Variants in OR5AN1 observed in about 807,000 individuals in gnomAD.
The protein encoded by OR5AN1 is olfactory receptor family 5 subfamily AN member 1.
For missense variants in OR5AN1, 476 were observed against 368.9 expected (o/e 1.29, Z -2.38); for synonymous variants, 167 against 131.8 (o/e 1.27, Z -1.83).
In OR5AN1 at chr11:59,361,179, T is replaced by C. The variant is rs1181170892; in HGVS notation, c.-14+1907T>C. 2.6e-5 allele frequency among the ~76,000 whole-genome samples: 4 copies of C among 152,232 alleles called. No homozygotes were observed. The East Asian group carries it at 7.7e-4, about 29-fold the overall frequency. On this transcript the variant is annotated intron_variant, in intron 1 of 1. Transcript: ENST00000641998. ...TCTGGTTTAGAAATCATAAATAATT[T>C]TATTAAGAGGTCCTTGATACTTCAG...
In OR5AN1 at chr11:59,366,939, G is replaced by A. The variant is rs1857541557; in HGVS notation, c.*1545G>A. 6.6e-6 allele frequency: 1 copy of A among 152,126 alleles called. No homozygotes were observed. The highest frequency in any genetic ancestry group is 2.1e-4 in the South Asian group (1 of 4,824). The allele number at this position is 152,126 out of a possible 1,614,324, so 9.4% of individuals were successfully genotyped here. On this transcript the variant is annotated 3_prime_UTR_variant, in exon 2 of 2. Transcript: ENST00000641998. The stretch of plus-strand genomic sequence containing the variant: ...CCAAACTAACATTGCAGATATCAAA[G>A]CCTCCTCCCTTCTTCAATACCCCTT...
At chr11:59,362,143 A>T (rs1053082127) in intron 1 of OR5AN1, among the ~76,000 whole-genome samples, 1 of 152,182 alleles carries the variant, frequency 6.6e-6, no homozygotes, top group South Asian at 2.1e-4. Context: ...ATGAGTGCCC[A>T]TTCCTTACTG....
At chr11:59,359,318 G>A (rs1345477749) in intron 1 of OR5AN1, 46 bp downstream of exon 1, 1 of 152,200 alleles carries the variant, frequency 6.6e-6, no homozygotes, top group African/African-American at 2.4e-5. Context: ...TTAAGGATGT[G>A]ACCTTGAACA....
At position 59,367,374 on chromosome 11, in the gene OR5AN1, C is replaced by T. The variant is rs1857546481; in HGVS notation, c.*1980C>T. The T allele has an allele frequency of 6.6e-6, 1 of 152,416 alleles. No homozygotes were observed. Among genetic ancestry groups the T allele is most frequent in the African/African-American group, 2.4e-5 (1 of 41,420 alleles). The allele number at this position is 152,416 out of a possible 1,614,324, so 9.4% of individuals were successfully genotyped here. ...CAGCCACTCAGGCCAGCATGGAGTCCTCGAAGGCTTAGATACTTGGGTTTT... is the reference window on the plus strand; with the variant it reads ...CAGCCACTCAGGCCAGCATGGAGTCTTCGAAGGCTTAGATACTTGGGTTTT... On this transcript the variant is annotated 3_prime_UTR_variant, in exon 2 of 2. Coordinates refer to ENST00000641998, the MANE Select transcript of OR5AN1 (RefSeq NM_001004729.2).
chr11:59,365,813 A>G lies in OR5AN1; in HGVS notation c.*419A>G, dbSNP rs1006823258. 6.3e-6 allele frequency: 1 copy of G among 159,318 alleles called. No homozygotes were observed. Among genetic ancestry groups the G allele is most frequent in the Non-Finnish European group, 1.4e-5 (1 of 73,024 alleles). The allele number at this position is 159,318 out of a possible 1,614,324, so 9.9% of individuals were successfully genotyped here. On this transcript the variant is annotated 3_prime_UTR_variant, in exon 2 of 2. Transcript: ENST00000641998. ...GAAACATCATCTCCCATATATGCTGATACAGCATAATAAAGACATGGTGGT... is the reference window on the plus strand; with the variant it reads ...GAAACATCATCTCCCATATATGCTGGTACAGCATAATAAAGACATGGTGGT...
intron 1 of OR5AN1, among the ~76,000 whole-genome samples, chr11:59,361,896 A>AT (rs1857467879): frequency 6.6e-6 from 1 of 152,154 alleles, no homozygotes; most frequent in African/African-American, 2.4e-5. Flanking sequence ...GAGAATACAG[A>AT]TAAGTATAAA....
Sources: allele counts gnomAD v4.1 joint callset (sites outside exome capture counted in the v4.1 genomes callset), GRCh38; gene constraint gnomAD v4.1.1; transcripts MANE v1.5; gene names NCBI Gene and HGNC (gene_info 2026-07-23, HGNC 2026-07-21).